The following GAREM1 variants were observed in gnomAD, a reference collection of about 807,000 sequenced individuals.
GAREM1 encodes GRB2 associated regulator of MAPK1 subtype 1, also known as GRB2-associated and regulator of MAPK protein 1.
Under a neutral mutation model 71.3 loss-of-function variants are expected in GAREM1, and 26 were observed. The observed-to-expected ratio is 0.36, with a 90% confidence interval of 0.27 to 0.51. The LOEUF (loss-of-function observed/expected upper bound fraction) is 0.51, where lower values mean the gene tolerates loss of function less well. GAREM1 is among the 20% of genes least tolerant of loss of function. GAREM1 has a pLI of 0.95. For synonymous variants in GAREM1, 440 were observed against 433.2 expected, an observed-to-expected ratio of 1.02 and a Z score of -0.20; for missense variants, 1,026 against 1,103.1, an observed-to-expected ratio of 0.93 and a Z score of 0.99.
intron 2 of GAREM1, among the ~76,000 whole-genome samples, chr18:32,321,603 A>C (rs2047429574): frequency 6.6e-6 from 1 of 152,198 alleles, no homozygotes. Context: ...AATATGCAAA[A>C]CTAAAATCAT....
At chr18:32,367,080 A>G (rs2047934286) in intron 2 of GAREM1, among the ~76,000 whole-genome samples, 1 of 152,246 alleles carries the variant, frequency 6.6e-6, no homozygotes, top group African/African-American at 2.4e-5. Context: ...GTCAAACAAC[A>G]AAACCACACA....
chr18:32,353,527 T>C (rs2047774262), intron 2 of GAREM1, among the ~76,000 whole-genome samples: 1 of 152,240 alleles, frequency 6.6e-6, no homozygotes. Flanking sequence ...AAGTATTGAA[T>C]TTCTTGCTTT....
At chr18:32,309,007 G>A (rs1218150635) in intron 3 of GAREM1, among the ~76,000 whole-genome samples, 1 of 150,066 alleles carries the variant, frequency 6.7e-6, no homozygotes, top group Non-Finnish European at 1.5e-5. Context: ...AAGACACCAT[G>A]TAGTCTGTTT....
intron 2 of GAREM1, among the ~76,000 whole-genome samples, chr18:32,363,995 C>CTATATATATATAT (rs1555638701): frequency 4.7e-4 from 10 of 21,330 alleles, no homozygotes; most frequent in Non-Finnish European, 8.5e-4. Context: ...TACATATATA[C>CTATATATATATAT]ATATATATAT....
At chr18:32,410,933 G>C (rs538631338) in intron 1 of GAREM1, among the ~76,000 whole-genome samples, 11 of 152,208 alleles carry the variant, frequency 7.2e-5, no homozygotes, top group African/African-American at 2.6e-4. Context: ...TTCCCAAGTA[G>C]ATGGGATTAC....
chr18:32,267,776 GTT>G lies in GAREM1; in HGVS notation c.*93_*94del, dbSNP rs35950532. The G allele has an allele frequency of 4.7e-5, 47 of 997,992 alleles. No homozygotes were observed. The highest frequency in any genetic ancestry group is 3.6e-4 in the Admixed American group (14 of 38,480). The allele number at this position is 997,992 out of a possible 1,614,324, so 61.8% of individuals were successfully genotyped here. ...TCTCTTATCCCTATTTACAGAGAAG[GTT>G]TTTAGTGCAAAAACATGAAATTGTG... On this transcript the variant is annotated 3_prime_UTR_variant, in exon 6 of 6. Transcript: ENST00000269209.
At chr18:32,341,718 C>G (rs1413078617) in intron 2 of GAREM1, among the ~76,000 whole-genome samples, 2 of 152,160 alleles carry the variant, frequency 1.3e-5, no homozygotes, top group Admixed American at 1.3e-4. Context: ...CTCTGGTTCC[C>G]AAGTGGAGAA....
chr18:32,355,916 A>G (rs1567976901), intron 2 of GAREM1, among the ~76,000 whole-genome samples: 1 of 152,224 alleles, frequency 6.6e-6, no homozygotes. Context: ...TAGAAAACTA[A>G]TTTATCTACA....
At chr18:32,284,384 G>A (rs78631598) in intron 4 of GAREM1, among the ~76,000 whole-genome samples, 2,694 of 152,230 alleles carry the variant, frequency 0.018, 89 homozygotes, top group African/African-American at 0.06. Context: ...TCTTCTGTGA[G>A]ATTTGCTTTT....
intron 2 of GAREM1, among the ~76,000 whole-genome samples, chr18:32,380,024 G>A (rs1410318028): frequency 6.6e-6 from 1 of 152,128 alleles, no homozygotes; most frequent in East Asian, 1.9e-4. Flanking sequence ...ACAAAGCTTT[G>A]CAACTAAAGG....
intron 3 of GAREM1, among the ~76,000 whole-genome samples, chr18:32,290,545 TGAGGCAGGAGAATCGCTTGAACCCGG>T (rs527381842): frequency 1.5e-4 from 23 of 149,300 alleles, no homozygotes; most frequent in Middle Eastern, 3.5e-3. Context: ...CTTTGGAGGC[TGAGGCAGGAGAATCGCTTGAACCCGG>T]GAGGCAGAGG....
In GAREM1 at chr18:32,270,123, T is replaced by C. The variant is rs28394787; in HGVS notation, c.1733+94A>G. On this transcript the variant is annotated intron_variant, in intron 5 of 5. Transcript: ENST00000269209. ...AAAGCCATTTCCTCTCCCACCACCC[T>C]GCCTGTTAGGGCTACCGTGAAAATG... The C allele has an allele frequency of 6.6e-3, 8,508 of 1,285,196 alleles. 270 individuals are homozygous for C. The African/African-American group carries it at 0.085, about 13-fold the overall frequency. The allele number at this position is 1,285,196 out of a possible 1,614,324, so 79.6% of individuals were successfully genotyped here.
intron 1 of GAREM1, among the ~76,000 whole-genome samples, chr18:32,425,944 C>A (rs1453775966): frequency 6.6e-6 from 1 of 152,054 alleles, no homozygotes; most frequent in Non-Finnish European, 1.5e-5. Flanking sequence ...CATTTATGGG[C>A]CTTATTTTTT....
chr18:32,269,200 C>T (rs1158812165), intron 5 of GAREM1, among the ~76,000 whole-genome samples: 1 of 152,192 alleles, frequency 6.6e-6, no homozygotes, highest in Non-Finnish European at 1.5e-5. Context: ...ATGATGGCAT[C>T]ACACCACCCG....
chr18:32,445,460 G>C (rs187498603), intron 1 of GAREM1, among the ~76,000 whole-genome samples: 1 of 151,990 alleles, frequency 6.6e-6, no homozygotes, highest in Admixed American at 6.6e-5. Flanking sequence ...TCTTCCAATA[G>C]GGGTATATAC....
intron 1 of GAREM1, among the ~76,000 whole-genome samples, chr18:32,405,909 C>T (rs767229546): frequency 7.9e-5 from 12 of 152,194 alleles, no homozygotes; most frequent in Non-Finnish European, 1.8e-4. Context: ...TGATACTATG[C>T]CTGTGATGTG....
intron 2 of GAREM1, 115 bp from the exon 3 acceptor site, chr18:32,310,438 C>T: frequency 9.9e-7 from 1 of 1,006,814 alleles, no homozygotes; most frequent in Non-Finnish European, 1.4e-6. Context: ...GATTCCTGTT[C>T]ATCATTAATC....
At chr18:32,384,813 C>T (rs1480578308) in intron 2 of GAREM1, among the ~76,000 whole-genome samples, 1 of 152,168 alleles carries the variant, frequency 6.6e-6, no homozygotes, top group Non-Finnish European at 1.5e-5. Flanking sequence ...TGACAATCTT[C>T]AATCCATTCT....
At chr18:32,348,700 G>C (rs1367775884) in intron 2 of GAREM1, among the ~76,000 whole-genome samples, 2 of 152,140 alleles carry the variant, frequency 1.3e-5, no homozygotes, top group Non-Finnish European at 2.9e-5. Flanking sequence ...TCCAGCCTGA[G>C]TGACTGAGTG....
Sources: gnomAD v4.1 joint callset for allele counts (sites outside exome capture counted in the v4.1 genomes callset) on GRCh38, gnomAD v4.1.1 for gene constraint, MANE v1.5 for transcripts, NCBI Gene and HGNC (gene_info 2026-07-23, HGNC 2026-07-21) for gene names.